Variants in NREP observed in about 807,000 individuals in gnomAD.
NREP encodes the protein neuronal regeneration-related protein.
Under a neutral mutation model 8.6 loss-of-function variants are expected in NREP, and 5 were observed. The ratio of observed to expected loss-of-function variants is 0.58; its 90% CI spans 0.30 to 1.22. The LOEUF (loss-of-function observed/expected upper bound fraction) is 1.22. Among genes scored for constraint, NREP ranks in the 50% most tolerant of loss-of-function variants. The probability of loss-of-function intolerance (pLI) is 0.07; values close to 1 mark genes in which losing one functional copy is unlikely to be tolerated. For missense variants in NREP, 86 were observed against 82.5 expected (o/e 1.04, Z -0.17); for synonymous variants, 27 against 28.0 (o/e 0.96, Z 0.11).
At chr5:111,858,474 G>C (rs1182874750) in intron 2 of NREP, among the ~76,000 whole-genome samples, 1 of 152,060 alleles carries the variant, frequency 6.6e-6, no homozygotes, top group Non-Finnish European at 1.5e-5. Flanking sequence ...GAGTAGGGTA[G>C]CTCTCATGAA....
At chr5:111,836,693 G>T (rs1752903678) in intron 2 of NREP, among the ~76,000 whole-genome samples, 1 of 152,034 alleles carries the variant, frequency 6.6e-6, no homozygotes, top group South Asian at 2.1e-4. Context: ...TAGCCAGGGA[G>T]AGCTGGCAGT....
chr5:111,770,694 C>T (rs1276082360), intron 2 of NREP, among the ~76,000 whole-genome samples: 3 of 151,026 alleles, frequency 2.0e-5, no homozygotes, highest in Non-Finnish European at 2.9e-5. Context: ...CTTAGCCTTC[C>T]GAGTACCCTG....
At chr5:111,800,078 C>A (rs1408675616) in intron 2 of NREP, among the ~76,000 whole-genome samples, 2 of 141,984 alleles carry the variant, frequency 1.4e-5, no homozygotes, top group African/African-American at 5.3e-5. Flanking sequence ...CACCACCACG[C>A]CAACTACTTT....
chr5:111,923,495 T>A (rs542381498), intron 2 of NREP, among the ~76,000 whole-genome samples: 38 of 152,300 alleles, frequency 2.5e-4, no homozygotes, highest in Middle Eastern at 3.4e-3. Context: ...CAGATCCCTC[T>A]ACTAGTAGAG....
At chr5:111,826,385 G>T (rs1006190962) in intron 2 of NREP, among the ~76,000 whole-genome samples, 1 of 152,158 alleles carries the variant, frequency 6.6e-6, no homozygotes, top group Non-Finnish European at 1.5e-5. Flanking sequence ...TTGTTGTTTT[G>T]CTTTTGGCAA....
chr5:111,873,837 C>T (rs988015937), intron 2 of NREP, among the ~76,000 whole-genome samples: 11 of 152,162 alleles, frequency 7.2e-5, no homozygotes, highest in African/African-American at 2.7e-4. Context: ...TTGCCTACTA[C>T]AAGGGCTGTG....
upstream of NREP, chr5:111,757,377 C>T: frequency 3.1e-6 from 3 of 952,642 alleles, no homozygotes; most frequent in Non-Finnish European, 3.7e-6. Flanking sequence ...CATCTCCCTG[C>T]CTCGCGCTCT....
intron 2 of NREP, among the ~76,000 whole-genome samples, chr5:111,850,799 G>T (rs555970473): frequency 2.2e-4 from 33 of 152,180 alleles, no homozygotes; most frequent in African/African-American, 7.7e-4. Context: ...ACTGATGGAG[G>T]GTGTCTAGGT....
intron 2 of NREP, among the ~76,000 whole-genome samples, chr5:111,867,496 G>C (rs940820085): frequency 6.6e-6 from 1 of 152,058 alleles, no homozygotes; most frequent in Non-Finnish European, 1.5e-5. Flanking sequence ...GTCTTATTTA[G>C]CCTTACTTAC....
At chr5:111,812,798 T>C (rs1205335025) in intron 2 of NREP, among the ~76,000 whole-genome samples, 1 of 152,188 alleles carries the variant, frequency 6.6e-6, no homozygotes, top group African/African-American at 2.4e-5. Flanking sequence ...ATATTCTACT[T>C]ATTGAATAAA....
At chr5:111,936,651 T>C (rs1020571075) in intron 2 of NREP, among the ~76,000 whole-genome samples, 2 of 152,092 alleles carry the variant, frequency 1.3e-5, no homozygotes. Flanking sequence ...TTCAACCCTG[T>C]ACAAAGGCTG....
rs4618 is a variant in NREP, at chr5:111,729,731, T to G, written c.*1190A>C. ...ACAACATTCCATGAGTAGATGGTAA[T>G]TTATTTTTGTTTATCCATTTCGTTG... is the stretch of plus-strand genomic sequence containing the variant. On this transcript the variant is annotated 3_prime_UTR_variant, in exon 4 of 4. Transcript: ENST00000257435. 52,441 of 152,520 alleles carry G rather than the reference T, an allele frequency of 0.34. 11,844 individuals are homozygous for G. The highest frequency in any genetic ancestry group is 0.65 in the African/African-American group (26,924 of 41,450). 9.4% of individuals were successfully genotyped at this position (152,520 alleles called of 1,614,324 possible).
chr5:111,896,790 A>T (rs1374540643), intron 2 of NREP, among the ~76,000 whole-genome samples: 1 of 152,294 alleles, frequency 6.6e-6, no homozygotes, highest in Admixed American at 6.5e-5. Context: ...TCTTTACAAG[A>T]TCTCCTGAAA....
intron 2 of NREP, among the ~76,000 whole-genome samples, chr5:111,941,125 G>A (rs1755817637): frequency 6.6e-6 from 1 of 151,986 alleles, no homozygotes; most frequent in South Asian, 2.1e-4. Context: ...GAAATAAATG[G>A]ACATCAAACT....
intron 3 of NREP, 119 bp from the exon 4 acceptor site, chr5:111,731,165 A>ACTC (rs1581017127): frequency 9.6e-7 from 1 of 1,038,024 alleles, no homozygotes; most frequent in Non-Finnish European, 1.4e-6. Context: ...ATACCCTTGA[A>ACTC]CTCTTGCTGT....
At chr5:111,807,853 A>G (rs1159523000) in intron 2 of NREP, among the ~76,000 whole-genome samples, 1 of 152,202 alleles carries the variant, frequency 6.6e-6, no homozygotes, top group Non-Finnish European at 1.5e-5. Context: ...AGTTTCATGA[A>G]TGTTAACCCA....
At chr5:111,766,190 AT>A (rs1474304137) in intron 2 of NREP, among the ~76,000 whole-genome samples, 3 of 151,986 alleles carry the variant, frequency 2.0e-5, no homozygotes, top group Non-Finnish European at 2.9e-5. Flanking sequence ...TGTCCTAGTC[AT>A]TTTTTTTAAA....
chr5:111,959,393 A>G (rs115031227), intron 2 of NREP, among the ~76,000 whole-genome samples: 1 of 151,950 alleles, frequency 6.6e-6, no homozygotes, highest in Non-Finnish European at 1.5e-5. Context: ...CTGGGTGATT[A>G]CACTTTCTGA....
rs1003052183 is a variant in NREP at position 111,757,137 on chromosome 5, G to C, written c.-60C>G. Reference sequence around the variant, plus strand: ...GGGATAGGAATGGCATATACTTACAGACAAAAGCCCCGCTCCCTGTTCACT... The same window carrying C: ...GGGATAGGAATGGCATATACTTACACACAAAAGCCCCGCTCCCTGTTCACT... On this transcript the variant is annotated splice_region_variant and 5_prime_UTR_variant, in exon 1 of 4. Coordinates refer to ENST00000257435, the MANE Select transcript of NREP (RefSeq NM_004772.4). 3 of 965,378 alleles carry C rather than the reference G, an allele frequency of 3.1e-6. No individual in the cohort carries two copies. Among genetic ancestry groups the C allele is most frequent in the Non-Finnish European group, 2.5e-6 (2 of 812,710 alleles). The allele number at this position is 965,378 out of a possible 1,614,324, so 59.8% of individuals were successfully genotyped here.
Sources: gnomAD v4.1 joint callset for allele counts (sites outside exome capture counted in the v4.1 genomes callset) on GRCh38, gnomAD v4.1.1 for gene constraint, MANE v1.5 for transcripts, NCBI Gene and HGNC (gene_info 2026-07-23, HGNC 2026-07-21) for gene names.